CSMD1: variants seen among roughly 807,000 people sequenced by gnomAD.
CSMD1 encodes the protein CUB and Sushi multiple domains 1, also known as CUB and sushi domain-containing protein 1.
Under a neutral mutation model 417.5 loss-of-function variants are expected in CSMD1, and 213 were observed. The ratio of observed to expected loss-of-function variants is 0.51; its 90% confidence interval spans 0.46 to 0.57. The LOEUF is 0.57. Ranked by LOEUF, CSMD1 falls within the 20% of genes least tolerant of loss-of-function variation. The pLI, the probability that CSMD1 is intolerant of heterozygous loss-of-function variation, is 0.00. For synonymous variants in CSMD1, 2,862 were observed against 1,736.8 expected, an observed-to-expected ratio of 1.65 and a Z score of -16.11; for missense variants, 6,923 against 4,529.7, an observed-to-expected ratio of 1.53 and a Z score of -15.17.
chr8:3,436,947 TA>T (rs371962193), intron 12 of CSMD1, among the ~76,000 whole-genome samples: 1 of 151,538 alleles, frequency 6.6e-6, no homozygotes, highest in Non-Finnish European at 1.5e-5. Context: ...AGTGTGAAGC[TA>T]AAAAAAAGAG....
intron 1 of CSMD1, among the ~76,000 whole-genome samples, chr8:4,691,283 A>C (rs1806753540): frequency 6.6e-6 from 1 of 152,118 alleles, no homozygotes; most frequent in Non-Finnish European, 1.5e-5. Flanking sequence ...GGAGAGTGTG[A>C]ATTTCAGCTG....
At chr8:4,644,459 T>G (rs1227859250) in intron 1 of CSMD1, among the ~76,000 whole-genome samples, 2 of 152,118 alleles carry the variant, frequency 1.3e-5, no homozygotes, top group Non-Finnish European at 2.9e-5. Context: ...CAGGCTAGAG[T>G]GCAGCGGCGC....
rs941376732 is a variant in CSMD1, at chr8:4,151,383, C to G, written c.416-119284G>C. 3.3e-5 allele frequency among the ~76,000 whole-genome samples: 5 copies of G among 152,134 alleles called. No homozygotes were observed. The East Asian group carries it at 9.6e-4, about 29-fold the overall frequency. ...TTAACTACAATTCAGTTTCTAGATC[C>G]TGCTGACCAAGAAAAATACTCTTTA... On this transcript the variant is annotated intron_variant, in intron 3 of 69. Coordinates refer to ENST00000635120, the MANE Select transcript of CSMD1 (RefSeq NM_033225.6).
chr8:4,452,041 G>A (rs573918300), intron 2 of CSMD1, among the ~76,000 whole-genome samples: 1 of 151,602 alleles, frequency 6.6e-6, no homozygotes, highest in Non-Finnish European at 1.5e-5. Flanking sequence ...CTCACCAGAG[G>A]GGTGGAAGAG....
chr8:4,156,170 G>C (rs781039793), intron 3 of CSMD1, among the ~76,000 whole-genome samples: 21 of 152,166 alleles, frequency 1.4e-4, no homozygotes, highest in South Asian at 2.1e-4. Flanking sequence ...CGTTGTGTGA[G>C]GGGTGTGGGA....
At chr8:4,990,243 G>T (rs972608088) in intron 1 of CSMD1, among the ~76,000 whole-genome samples, 1 of 152,156 alleles carries the variant, frequency 6.6e-6, no homozygotes, top group Admixed American at 6.5e-5. Context: ...GCACTGAAAA[G>T]CTTTCCGCTG....
intron 1 of CSMD1, among the ~76,000 whole-genome samples, chr8:4,943,878 C>A (rs572540633): frequency 6.6e-6 from 1 of 152,188 alleles, no homozygotes; most frequent in South Asian, 2.1e-4. Context: ...TGTAAGAGCC[C>A]AAAACGCTTA....
intron 47 of CSMD1, among the ~76,000 whole-genome samples, chr8:3,095,855 ACTG>A (rs1815258292): frequency 6.6e-6 from 1 of 152,146 alleles, no homozygotes; most frequent in Admixed American, 6.5e-5. Flanking sequence ...TAATCATATC[ACTG>A]TTAAAATTTT....
intron 7 of CSMD1, among the ~76,000 whole-genome samples, chr8:3,692,774 CT>C (rs1287939074): frequency 6.6e-6 from 1 of 152,084 alleles, no homozygotes; most frequent in South Asian, 2.1e-4. Flanking sequence ...GCCCATGTGC[CT>C]TTTACTATAG....
chr8:4,188,750 A>C (rs1798834793), intron 3 of CSMD1, among the ~76,000 whole-genome samples: 1 of 152,006 alleles, frequency 6.6e-6, no homozygotes, highest in South Asian at 2.1e-4. Context: ...CTAGAAAAGA[A>C]AGATACACAG....
intron 12 of CSMD1, among the ~76,000 whole-genome samples, chr8:3,429,262 C>T (rs1814055869): frequency 6.6e-6 from 1 of 151,978 alleles, no homozygotes; most frequent in African/African-American, 2.4e-5. Flanking sequence ...GACCATTTCA[C>T]AATGTAAATA....
intron 3 of CSMD1, among the ~76,000 whole-genome samples, chr8:4,360,988 A>C (rs1479064149): frequency 6.6e-6 from 1 of 152,202 alleles, no homozygotes; most frequent in African/African-American, 2.4e-5. Flanking sequence ...ATATTTGACT[A>C]ATATTTGAAG....
intron 4 of CSMD1, among the ~76,000 whole-genome samples, chr8:4,010,532 A>G (rs955211506): frequency 8.6e-5 from 13 of 151,998 alleles, no homozygotes; most frequent in African/African-American, 3.1e-4. Flanking sequence ...CATTCCCATC[A>G]TCACCCTCTA....
intron 8 of CSMD1, among the ~76,000 whole-genome samples, chr8:3,599,490 G>A (rs1041267823): frequency 1.9e-4 from 29 of 151,558 alleles, no homozygotes; most frequent in African/African-American, 4.9e-4. Flanking sequence ...TAACCCCAAC[G>A]CAGAGTTAGT....
intron 18 of CSMD1, among the ~76,000 whole-genome samples, chr8:3,371,001 A>T (rs569275736): frequency 1.3e-5 from 2 of 152,100 alleles, no homozygotes; most frequent in East Asian, 3.9e-4. Flanking sequence ...GAGTAAAGAA[A>T]AATTTTATCT....
Position 4,439,851 on chromosome 8 carries a change from G to C in CSMD1, c.303-19786C>G, listed in dbSNP as rs571650567. On this transcript the variant is annotated intron_variant, in intron 2 of 69. Coordinates refer to ENST00000635120, the MANE Select transcript of CSMD1 (RefSeq NM_033225.6). ...AGGCACTAATACAGAAGGCAGCTTC[G>C]AAAGATAGGATGGTGTAATGAGATC... Among the ~76,000 whole-genome samples, 5 of 152,232 alleles carry C rather than the reference G, an allele frequency of 3.3e-5. No individual in the cohort carries two copies. The South Asian group carries it at 1.0e-3, about 32-fold the overall frequency.
chr8:2,955,200 C>G (rs139652843), intron 64 of CSMD1, among the ~76,000 whole-genome samples: 1 of 152,202 alleles, frequency 6.6e-6, no homozygotes, highest in Admixed American at 6.5e-5. Flanking sequence ...TACCTATTCT[C>G]GGATACTTGG....
intron 7 of CSMD1, among the ~76,000 whole-genome samples, chr8:3,648,924 C>T (rs1391879380): frequency 6.6e-6 from 1 of 152,100 alleles, no homozygotes; most frequent in Non-Finnish European, 1.5e-5. Flanking sequence ...GTAACAACAG[C>T]TATTTTTTTT....
chr8:4,252,151 T>C (rs1222512959), intron 3 of CSMD1, among the ~76,000 whole-genome samples: 1 of 152,180 alleles, frequency 6.6e-6, no homozygotes, highest in Non-Finnish European at 1.5e-5. Flanking sequence ...TGTTCTGTTC[T>C]TTCAGGATAT....
Sources: allele counts gnomAD v4.1 joint callset (sites outside exome capture counted in the v4.1 genomes callset), GRCh38; gene constraint gnomAD v4.1.1; transcripts MANE v1.5; gene names NCBI Gene and HGNC (gene_info 2026-07-23, HGNC 2026-07-21).